The following FGF12 variants were observed in gnomAD, a reference collection of about 807,000 sequenced individuals.
The protein encoded by FGF12 is fibroblast growth factor 12B.
Under a neutral mutation model 23.6 loss-of-function variants are expected in FGF12, and 14 were observed. The observed-to-expected ratio is 0.59, with a 90% CI of 0.39 to 0.93. The LOEUF (loss-of-function observed/expected upper bound fraction) is 0.93, where lower values mean the gene tolerates loss of function less well. Among genes scored for constraint, FGF12 ranks in the 40% least tolerant of loss-of-function variants. FGF12 has a pLI of 0.00. For missense variants in FGF12, 175 were observed against 217.8 expected (o/e 0.80, Z 1.24); for synonymous variants, 62 against 77.3 (o/e 0.80, Z 1.04).
At chr3:192,224,805 T>C (rs1268883220) in intron 4 of FGF12, among the ~76,000 whole-genome samples, 2 of 151,984 alleles carry the variant, frequency 1.3e-5, no homozygotes, top group African/African-American at 4.8e-5. Context: ...ATCCTCAGAG[T>C]AGTTCGAGTT....
At chr3:192,587,985 T>C (rs1166432381) in intron 2 of FGF12, among the ~76,000 whole-genome samples, 1 of 151,922 alleles carries the variant, frequency 6.6e-6, no homozygotes, top group Non-Finnish European at 1.5e-5. Context: ...TTCATCACTC[T>C]ATAGACTTTC....
Position 192,374,971 on chromosome 3 carries a change from T to C in FGF12, c.14-14433A>G, listed in dbSNP as rs527990234. Among the ~76,000 whole-genome samples, 5 of 152,354 alleles carry C rather than the reference T, an allele frequency of 3.3e-5. 2 individuals carry two copies. Among genetic ancestry groups the C allele is most frequent in the African/African-American group, 1.2e-4 (5 of 41,586 alleles). On this transcript the variant is annotated intron_variant, in intron 2 of 5. Coordinates refer to ENST00000445105, the MANE Select transcript of FGF12 (RefSeq NM_004113.6). ...CCATTCCATTACTTTGCTAACGAGA[T>C]GCAGACATATTTCTGAATTTGGGAG...
chr3:192,560,426 A>T (rs1220964980), intron 2 of FGF12, among the ~76,000 whole-genome samples: 2 of 152,072 alleles, frequency 1.3e-5, no homozygotes, highest in African/African-American at 4.8e-5. Context: ...TTTGTAAAAA[A>T]AGGTAATAAG....
intron 4 of FGF12, among the ~76,000 whole-genome samples, chr3:192,231,972 C>T (rs562453669): frequency 3.3e-5 from 5 of 152,262 alleles, no homozygotes; most frequent in East Asian, 1.9e-4. Context: ...TGGACTTCTA[C>T]GTTCATTTCA....
chr3:192,679,896 T>C (rs752657552), intron 2 of FGF12, among the ~76,000 whole-genome samples: 22 of 152,114 alleles, frequency 1.4e-4, no homozygotes, highest in Non-Finnish European at 2.9e-4. Context: ...GAGAGAGTAA[T>C]TCTTCCTGAG....
intron 4 of FGF12, among the ~76,000 whole-genome samples, chr3:192,310,881 C>T (rs7641260): frequency 0.32 from 47,862 of 151,920 alleles, 10,605 homozygotes; most frequent in African/African-American, 0.62. Context: ...AGCTTCACAA[C>T]GAAAACATGG....
intron 4 of FGF12, among the ~76,000 whole-genome samples, chr3:192,317,820 A>C (rs1236502375): frequency 6.6e-6 from 1 of 152,140 alleles, no homozygotes; most frequent in African/African-American, 2.4e-5. Context: ...GTGCAGTCCC[A>C]GTGGTGGTGG....
At chr3:192,193,586 G>A (rs1371739903) in intron 4 of FGF12, among the ~76,000 whole-genome samples, 1 of 152,080 alleles carries the variant, frequency 6.6e-6, no homozygotes, top group East Asian at 1.9e-4. Context: ...GAAGATTAAT[G>A]ATTAGAGTTA....
At chr3:192,428,569 T>C (rs1721760123) in intron 2 of FGF12, among the ~76,000 whole-genome samples, 1 of 152,130 alleles carries the variant, frequency 6.6e-6, no homozygotes. Flanking sequence ...GATCTAAAAC[T>C]TGACAGTGAC....
chr3:192,685,592 T>G (rs1717703213), intron 2 of FGF12, among the ~76,000 whole-genome samples: 1 of 151,690 alleles, frequency 6.6e-6, no homozygotes, highest in African/African-American at 2.4e-5. Context: ...TGGGGGCACA[T>G]CAGACAAGGG....
chr3:192,635,485 T>C lies in FGF12; in HGVS notation c.13+91696A>G, dbSNP rs895051018. Among the ~76,000 whole-genome samples, 3 of 152,348 alleles carry C rather than the reference T, an allele frequency of 2.0e-5. No homozygotes were observed. In the South Asian group the frequency reaches 6.2e-4, roughly 32 times the overall value. ...TTAAGTACAACCTGGTAAAGCTTTG[T>C]TGATTTTGCTACGTCACTTTACAAT... On this transcript the variant is annotated intron_variant, in intron 2 of 5. Coordinates refer to ENST00000445105, the MANE Select transcript of FGF12 (RefSeq NM_004113.6).
At chr3:192,536,736 G>A (rs1037373459) in intron 2 of FGF12, among the ~76,000 whole-genome samples, 13 of 151,940 alleles carry the variant, frequency 8.6e-5, no homozygotes, top group Non-Finnish European at 1.5e-5. Context: ...GGCATATAAT[G>A]CATAATAATC....
At position 192,178,117 on chromosome 3, in the gene FGF12, G is replaced by C. The variant is rs896435929; in HGVS notation, c.229-7461C>G. The stretch of plus-strand genomic sequence containing the variant: ...TCTAAGTTGTGATCAAATGGGAAAG[G>C]CCTCTTTCTTTCTTAGGCTCTCAGT... On this transcript the variant is annotated intron_variant, in intron 4 of 5. Coordinates refer to ENST00000445105, the MANE Select transcript of FGF12 (RefSeq NM_004113.6). 1.6e-3 allele frequency among the ~76,000 whole-genome samples: 249 copies of C among 152,120 alleles called. 3 individuals carry two copies. The highest frequency in any genetic ancestry group is 4.6e-4 in the Non-Finnish European group (31 of 67,972).
At chr3:192,540,795 T>C (rs1192193958) in intron 2 of FGF12, among the ~76,000 whole-genome samples, 1 of 152,158 alleles carries the variant, frequency 6.6e-6, no homozygotes, top group East Asian at 1.9e-4. Flanking sequence ...TAATAATATT[T>C]CCTTTATATA....
At chr3:192,571,507 A>AC (rs2108605548) in intron 2 of FGF12, among the ~76,000 whole-genome samples, 1 of 152,340 alleles carries the variant, frequency 6.6e-6, no homozygotes, top group South Asian at 2.1e-4. Flanking sequence ...CACGGGGCGG[A>AC]CGGGACCCAC....
Position 192,140,032 on chromosome 3 carries a change from A to T in FGF12, c.*3977T>A, listed in dbSNP as rs1458953663. On this transcript the variant is annotated 3_prime_UTR_variant, in exon 6 of 6. Transcript: ENST00000445105. ...TGAAGGAACACGTGCTTTGATTATTATTCCCACCTGTTTCTTTTTTATTAT... is the reference window on the plus strand; with the variant it reads ...TGAAGGAACACGTGCTTTGATTATTTTTCCCACCTGTTTCTTTTTTATTAT... The T allele has an allele frequency of 6.6e-6, 1 of 152,074 alleles. No individual in the cohort carries two copies. The highest frequency in any genetic ancestry group is 2.4e-5 in the African/African-American group (1 of 41,434). 9.4% of individuals were successfully genotyped at this position (152,074 alleles called of 1,614,324 possible).
chr3:192,324,678 A>G (rs1716729768), intron 4 of FGF12, among the ~76,000 whole-genome samples: 2 of 152,236 alleles, frequency 1.3e-5, no homozygotes. Context: ...TAAAGCTTAC[A>G]TTTTAAATTA....
intron 4 of FGF12, among the ~76,000 whole-genome samples, chr3:192,243,463 A>G (rs113574314): frequency 0.027 from 4,086 of 151,958 alleles, 189 homozygotes; most frequent in African/African-American, 0.093. Context: ...TATTCAAGGT[A>G]GCATTTAACA....
At chr3:192,298,880 T>C (rs1317564736) in intron 4 of FGF12, among the ~76,000 whole-genome samples, 3 of 152,208 alleles carry the variant, frequency 2.0e-5, no homozygotes, top group African/African-American at 7.2e-5. Flanking sequence ...GGAGTCTGCA[T>C]ATCACATGGT....
Sources: allele counts gnomAD v4.1 joint callset (sites outside exome capture counted in the v4.1 genomes callset), GRCh38; gene constraint gnomAD v4.1.1; transcripts MANE v1.5; gene names NCBI Gene and HGNC (gene_info 2026-07-23, HGNC 2026-07-21).